DLG2: variants seen among roughly 807,000 people sequenced by gnomAD.
The protein encoded by DLG2 is disks large homolog 2.
DLG2 carries 45 observed loss-of-function variants against 132.5 expected under a neutral mutation model. The ratio of observed to expected loss-of-function variants is 0.34; its 90% CI spans 0.27 to 0.44. The LOEUF is 0.44. Ranked by LOEUF, DLG2 falls within the 20% of genes least tolerant of loss-of-function variation. The pLI is 1.00. For missense variants in DLG2, 1,045 were observed against 1,196.9 expected (o/e 0.87, Z 1.87); for synonymous variants, 424 against 419.6 (o/e 1.01, Z -0.13).
At chr11:85,123,046 C>T (rs2074612422) in intron 5 of DLG2, among the ~76,000 whole-genome samples, 1 of 136,472 alleles carries the variant, frequency 7.3e-6, no homozygotes, top group Non-Finnish European at 1.5e-5. Flanking sequence ...GGTGCGATCT[C>T]GGCTCACTGC....
intron 6 of DLG2, among the ~76,000 whole-genome samples, chr11:85,061,637 A>G (rs1326351681): frequency 6.6e-6 from 1 of 151,882 alleles, no homozygotes; most frequent in South Asian, 2.1e-4. Context: ...CCAGAAACAC[A>G]TACATAATTT....
At chr11:84,907,957 G>T (rs2091700069) in intron 6 of DLG2, among the ~76,000 whole-genome samples, 1 of 152,174 alleles carries the variant, frequency 6.6e-6, no homozygotes, top group Middle Eastern at 3.4e-3. Context: ...TCAAGATCCA[G>T]GACTACAGAG....
At chr11:85,615,686 T>C (rs185571867) in intron 2 of DLG2, among the ~76,000 whole-genome samples, 44 of 152,334 alleles carry the variant, frequency 2.9e-4, no homozygotes, top group African/African-American at 8.9e-4. Flanking sequence ...ATTTTGTATA[T>C]ATTAGATGAT....
chr11:84,012,418 G>A (rs2094937413), intron 11 of DLG2, among the ~76,000 whole-genome samples: 1 of 152,150 alleles, frequency 6.6e-6, no homozygotes, highest in Non-Finnish European at 1.5e-5. Flanking sequence ...AACTTGGTGA[G>A]ACTTCCAACA....
intron 6 of DLG2, among the ~76,000 whole-genome samples, chr11:84,722,945 G>A (rs1161122702): frequency 6.6e-6 from 1 of 152,086 alleles, no homozygotes; most frequent in Non-Finnish European, 1.5e-5. Flanking sequence ...CACATTTTAG[G>A]AGCAAAACTC....
intron 7 of DLG2, among the ~76,000 whole-genome samples, chr11:84,359,760 C>T (rs1344359734): frequency 6.6e-6 from 1 of 151,064 alleles, no homozygotes; most frequent in Non-Finnish European, 1.5e-5. Flanking sequence ...CATATTAGAG[C>T]TTCCTATGGC....
At chr11:83,884,240 T>C (rs1653234651) in intron 15 of DLG2, among the ~76,000 whole-genome samples, 2 of 152,200 alleles carry the variant, frequency 1.3e-5, no homozygotes, top group Admixed American at 1.3e-4. Context: ...ACTCCCACCC[T>C]AATACTGCGC....
intron 7 of DLG2, chr11:84,316,929 A>G: frequency 6.2e-7 from 1 of 1,612,806 alleles, no homozygotes; most frequent in Non-Finnish European, 8.5e-7. Flanking sequence ...CTGTCCCACA[A>G]GGTCCTGTTG....
At chr11:84,265,937 G>C (rs969728447) in intron 7 of DLG2, among the ~76,000 whole-genome samples, 2 of 152,056 alleles carry the variant, frequency 1.3e-5, no homozygotes, top group African/African-American at 4.8e-5. Flanking sequence ...ACATGGAAGA[G>C]GACTGCCATT....
chr11:85,139,484 AAATT>A, intron 5 of DLG2, among the ~76,000 whole-genome samples: 1 of 152,244 alleles, frequency 6.6e-6, no homozygotes. Context: ...TTTGGATTCA[AAATT>A]AATTTATTTT....
chr11:83,989,409 T>A (rs1294529713), intron 11 of DLG2, among the ~76,000 whole-genome samples: 2 of 152,162 alleles, frequency 1.3e-5, no homozygotes, highest in East Asian at 3.9e-4. Context: ...AATAAAGTGC[T>A]CTCAATAAAC....
intron 6 of DLG2, among the ~76,000 whole-genome samples, chr11:85,004,627 G>C (rs1034473022): frequency 2.0e-5 from 3 of 152,150 alleles, no homozygotes; most frequent in African/African-American, 7.2e-5. Flanking sequence ...CCCTTTGTCA[G>C]ATCGATAGAT....
intron 6 of DLG2, among the ~76,000 whole-genome samples, chr11:84,983,587 T>C (rs1373095460): frequency 3.3e-5 from 5 of 152,164 alleles, no homozygotes; most frequent in Admixed American, 1.3e-4. Context: ...AAAACAAGGT[T>C]CTTTAACACT....
chr11:83,465,779 G>A (rs578104868), intron 26 of DLG2, among the ~76,000 whole-genome samples: 6 of 152,126 alleles, frequency 3.9e-5, no homozygotes, highest in South Asian at 2.1e-4. Context: ...AGTATGCCTC[G>A]TTTCGAGGTG....
chr11:85,484,871 T>A (rs1475399022), intron 3 of DLG2, among the ~76,000 whole-genome samples: 1 of 151,478 alleles, frequency 6.6e-6, no homozygotes, highest in African/African-American at 2.4e-5. Context: ...CAAAGGATTA[T>A]AAATCATGCT....
intron 6 of DLG2, among the ~76,000 whole-genome samples, chr11:84,536,482 T>C (rs1391907936): frequency 6.6e-6 from 1 of 152,176 alleles, no homozygotes; most frequent in Non-Finnish European, 1.5e-5. Flanking sequence ...GCAAATACCA[T>C]GCTTTTGTTT....
At chr11:83,601,164 T>C (rs2058472996) in intron 19 of DLG2, among the ~76,000 whole-genome samples, 1 of 152,198 alleles carries the variant, frequency 6.6e-6, no homozygotes, top group Non-Finnish European at 1.5e-5. Flanking sequence ...CAAAGTCCTA[T>C]GGCTTTATGT....
chr11:84,813,539 G>GAA (rs1016300206), intron 6 of DLG2, among the ~76,000 whole-genome samples: 1 of 152,078 alleles, frequency 6.6e-6, no homozygotes, highest in African/African-American at 2.4e-5. Flanking sequence ...ATAAAAAAGA[G>GAA]AAAAGAGCTA....
chr11:84,947,890 C>T (rs1278598972), intron 6 of DLG2, among the ~76,000 whole-genome samples: 1 of 152,136 alleles, frequency 6.6e-6, no homozygotes, highest in Admixed American at 6.5e-5. Context: ...GCAATTTATT[C>T]ATTAGACAAT....
Sources: gnomAD v4.1 joint callset for allele counts (sites outside exome capture counted in the v4.1 genomes callset) on GRCh38, gnomAD v4.1.1 for gene constraint, MANE v1.5 for transcripts, NCBI Gene and HGNC (gene_info 2026-07-23, HGNC 2026-07-21) for gene names.